CCSER1: variants seen among roughly 807,000 people sequenced by gnomAD.
CCSER1 encodes coiled-coil serine rich protein 1.
A neutral mutation model predicts 82.0 loss-of-function variants in CCSER1; 41 were observed. The ratio of observed to expected loss-of-function variants is 0.50; its 90% CI spans 0.39 to 0.65. The LOEUF (loss-of-function observed/expected upper bound fraction) is 0.65, where lower values mean the gene tolerates loss of function less well. CCSER1 is among the 30% of genes least tolerant of loss of function. CCSER1 has a pLI of 0.00. For missense variants in CCSER1, 1,119 were observed against 1,064.2 expected (o/e 1.05, Z -0.72); for synonymous variants, 414 against 383.9 (o/e 1.08, Z -0.92).
At chr4:91,424,263 C>T (rs1329658541) in intron 10 of CCSER1, among the ~76,000 whole-genome samples, 6 of 150,892 alleles carry the variant, frequency 4.0e-5, no homozygotes, top group Non-Finnish European at 7.4e-5. Flanking sequence ...ATGATCCACC[C>T]GCCTCGGCCT....
chr4:90,224,691 A>G (rs893306462), intron 1 of CCSER1, among the ~76,000 whole-genome samples: 5 of 152,184 alleles, frequency 3.3e-5, no homozygotes, highest in Non-Finnish European at 5.9e-5. Context: ...TCCACAGTTA[A>G]TGTGTAATGT....
At chr4:90,185,841 A>G (rs1453455287) in intron 1 of CCSER1, among the ~76,000 whole-genome samples, 2 of 152,088 alleles carry the variant, frequency 1.3e-5, no homozygotes, top group Admixed American at 6.6e-5. Context: ...ATTATTATCA[A>G]TGGAAGATAT....
chr4:91,564,402 A>G (rs1472734881), intron 10 of CCSER1, among the ~76,000 whole-genome samples: 2 of 152,102 alleles, frequency 1.3e-5, no homozygotes, highest in African/African-American at 4.8e-5. Flanking sequence ...TCCTCTGGGT[A>G]TACACCCAGT....
chr4:90,648,284 G>GGAAAGAAA (rs564907502), intron 6 of CCSER1, among the ~76,000 whole-genome samples: 8,426 of 89,732 alleles, frequency 0.094, 555 homozygotes, highest in East Asian at 0.16. Flanking sequence ...GAGAAAGAAA[G>GGAAAGAAA]GAAAGAAAGA....
At chr4:90,527,579 C>A (rs887998178) in intron 5 of CCSER1, among the ~76,000 whole-genome samples, 2 of 152,102 alleles carry the variant, frequency 1.3e-5, no homozygotes, top group African/African-American at 2.4e-5. Flanking sequence ...GTTTTACCAG[C>A]ACAGTTTTTT....
chr4:91,538,711 A>AT (rs376318252), intron 10 of CCSER1, among the ~76,000 whole-genome samples: 1 of 25,966 alleles, frequency 3.9e-5, no homozygotes, highest in East Asian at 1.6e-3. Flanking sequence ...ATATATATAT[A>AT]ATATCTCAGT....
At chr4:91,400,560 C>T (rs1015106840) in intron 10 of CCSER1, among the ~76,000 whole-genome samples, 3 of 147,322 alleles carry the variant, frequency 2.0e-5, no homozygotes, top group Non-Finnish European at 3.0e-5. Context: ...AACTATTTGC[C>T]CTTAAAATCA....
intron 10 of CCSER1, among the ~76,000 whole-genome samples, chr4:91,111,850 G>GA (rs201011412): frequency 0.028 from 2,234 of 78,966 alleles, 28 homozygotes; most frequent in South Asian, 0.061. Flanking sequence ...CAATAAAACA[G>GA]AAAAAAAAAA....
chr4:91,213,456 C>T (rs1334242191), intron 10 of CCSER1, among the ~76,000 whole-genome samples: 2 of 152,062 alleles, frequency 1.3e-5, no homozygotes, highest in Admixed American at 1.3e-4. Context: ...TGGTAACATC[C>T]ATTCATGTAA....
At chr4:90,500,650 A>G (rs929537961) in intron 5 of CCSER1, among the ~76,000 whole-genome samples, 1 of 152,152 alleles carries the variant, frequency 6.6e-6, no homozygotes, top group African/African-American at 2.4e-5. Context: ...TGTTTAAATC[A>G]TATTTATATC....
At position 90,745,302 on chromosome 4, in the gene CCSER1, A is replaced by T. The variant is rs567748977; in HGVS notation, c.2010+21311A>T. ...TGCTGCATCTCTCTGATTCTGAGTC[A>T]TCTTCTGTCTCCCATTTTTGACATT... On this transcript the variant is annotated intron_variant, in intron 7 of 10. Transcript: ENST00000509176. 2.0e-5 allele frequency among the ~76,000 whole-genome samples: 3 copies of T among 152,308 alleles called. No homozygotes were observed. The East Asian group carries it at 5.8e-4, about 29-fold the overall frequency.
At chr4:90,949,507 C>T (rs1393917109) in intron 9 of CCSER1, among the ~76,000 whole-genome samples, 4 of 152,090 alleles carry the variant, frequency 2.6e-5, no homozygotes, top group Admixed American at 1.3e-4. Flanking sequence ...CAGGGGGCAA[C>T]ACCATCTAAG....
intron 9 of CCSER1, among the ~76,000 whole-genome samples, chr4:91,045,379 G>T (rs1742359692): frequency 6.6e-6 from 1 of 152,056 alleles, no homozygotes; most frequent in Non-Finnish European, 1.5e-5. Flanking sequence ...TCTTAGAAAA[G>T]ATTTGGCATA....
intron 5 of CCSER1, among the ~76,000 whole-genome samples, chr4:90,480,726 T>C (rs1016763083): frequency 2.0e-5 from 3 of 151,828 alleles, no homozygotes; most frequent in Non-Finnish European, 4.4e-5. Context: ...TGTTCTGTTC[T>C]ATTGGTCTAT....
chr4:90,933,156 T>C (rs1347089416), intron 9 of CCSER1, among the ~76,000 whole-genome samples: 1 of 118,838 alleles, frequency 8.4e-6, no homozygotes, highest in Non-Finnish European at 1.7e-5. Flanking sequence ...TGTGTGTGTG[T>C]GTGTGTGTGT....
At chr4:90,673,790 TATACATACGTTTTTAAG>T (rs779752952) in intron 6 of CCSER1, among the ~76,000 whole-genome samples, 7 of 151,924 alleles carry the variant, frequency 4.6e-5, no homozygotes, top group Non-Finnish European at 7.4e-5. Context: ...TACAACCCAT[TATACATACGTTTTTAAG>T]ATACATAACA....
intron 6 of CCSER1, among the ~76,000 whole-genome samples, chr4:90,645,039 G>C (rs1433923397): frequency 6.6e-6 from 1 of 150,964 alleles, no homozygotes; most frequent in Non-Finnish European, 1.5e-5. Flanking sequence ...CCGAGATCAT[G>C]CCGTTGCACT....
chr4:90,188,471 A>G (rs1197004695), intron 1 of CCSER1, among the ~76,000 whole-genome samples: 1 of 148,554 alleles, frequency 6.7e-6, no homozygotes, highest in African/African-American at 2.5e-5. Context: ...AAGATTACCA[A>G]ATAAATGCTG....
chr4:90,505,686 G>C (rs1325714524), intron 5 of CCSER1, among the ~76,000 whole-genome samples: 1 of 152,144 alleles, frequency 6.6e-6, no homozygotes, highest in Non-Finnish European at 1.5e-5. Flanking sequence ...GTAACTTCTG[G>C]ATGTTGCCAT....
Sources: allele counts gnomAD v4.1 joint callset (sites outside exome capture counted in the v4.1 genomes callset), GRCh38; gene constraint gnomAD v4.1.1; transcripts MANE v1.5; gene names NCBI Gene and HGNC (gene_info 2026-07-23, HGNC 2026-07-21).